Variants in GLYR1 observed in about 807,000 individuals in gnomAD.
The protein encoded by GLYR1 is cytokine-like nuclear factor N-PAC.
GLYR1 carries 21 observed loss-of-function variants against 72.7 expected under a neutral mutation model. The observed-to-expected ratio is 0.29, with a 90% confidence interval of 0.20 to 0.42. GLYR1 has a LOEUF of 0.42. Among genes scored for constraint, GLYR1 ranks in the 10% least tolerant of loss-of-function variants. The probability of loss-of-function intolerance (pLI) is 1.00; values close to 1 mark genes in which losing one functional copy is unlikely to be tolerated. For synonymous variants in GLYR1, 392 were observed against 270.2 expected (o/e 1.45, Z -4.42); for missense variants, 594 against 712.1 (o/e 0.83, Z 1.89).
chr16:4,847,177 A>G (rs1308216331), intron 1 of GLYR1, 51 bp downstream of exon 1: 10 of 1,540,980 alleles, frequency 6.5e-6, no homozygotes, highest in Non-Finnish European at 8.9e-6. Context: ...CCCCGCGCCC[A>G]GGCGGGTAGC....
rs1389013458 is a variant in GLYR1 at position 4,803,388 on chromosome 16, A to G, written c.*1848T>C. 1.3e-5 allele frequency: 2 copies of G among 152,680 alleles called. No individual in the cohort carries two copies. Among genetic ancestry groups the G allele is most frequent in the African/African-American group, 2.4e-5 (1 of 41,464 alleles). 9.5% of individuals were successfully genotyped at this position (152,680 alleles called of 1,614,324 possible). ...CTAGATTTGTCATTTAAAGGTTTAA[A>G]GAAAAAAGGGAGGGGCTTTCTTACA... On this transcript the variant is annotated 3_prime_UTR_variant, in exon 16 of 16. Transcript: ENST00000321919.
Position 4,846,229 on chromosome 16 carries a change from G to A in GLYR1, c.39-19C>T, listed in dbSNP as rs201216481. On this transcript the variant is annotated intron_variant, in intron 1 of 15. Transcript: ENST00000321919. ...TTTCCCCCTAGAGAAAACACAAAGAGTCAACACTTGCCCTGCAAAAGCCAG... is the reference window on the plus strand; with the variant it reads ...TTTCCCCCTAGAGAAAACACAAAGAATCAACACTTGCCCTGCAAAAGCCAG... The A allele has an allele frequency of 6.8e-5, 109 of 1,613,670 alleles. 1 individual carries two copies. In the African/African-American group the frequency reaches 1.3e-3, roughly 20 times the overall value.
At chr16:4,814,693 C>T in intron 10 of GLYR1, 46 bp from the exon 11 acceptor site, 9 of 1,428,768 alleles carry the variant, frequency 6.3e-6, no homozygotes, top group South Asian at 1.2e-5. Context: ...CAGTGCACAA[C>T]AAACATGCCA....
intron 15 of GLYR1, among the ~76,000 whole-genome samples, chr16:4,806,119 A>T (rs1004302107): frequency 6.6e-6 from 1 of 152,200 alleles, no homozygotes; most frequent in Non-Finnish European, 1.5e-5. Context: ...CCCCCAGGGG[A>T]CATCTGGTAA....
intron 5 of GLYR1, among the ~76,000 whole-genome samples, chr16:4,830,566 G>T (rs1024879669): frequency 1.3e-5 from 2 of 152,120 alleles, no homozygotes; most frequent in Non-Finnish European, 2.9e-5. Context: ...GCCTGGGCTC[G>T]CTGGTGTCTG....
At chr16:4,815,860 C>A (rs2083604233) in intron 10 of GLYR1, among the ~76,000 whole-genome samples, 1 of 152,112 alleles carries the variant, frequency 6.6e-6, no homozygotes, top group African/African-American at 2.4e-5. Context: ...CAGCTCACTG[C>A]AAGCTCTGCC....
chr16:4,819,385 G>C (rs555036380), intron 9 of GLYR1, among the ~76,000 whole-genome samples: 1 of 152,068 alleles, frequency 6.6e-6, no homozygotes, highest in Non-Finnish European at 1.5e-5. Context: ...ATAGCTCACC[G>C]CAGCCTCAAA....
At chr16:4,816,721 C>G (rs1045668703) in intron 10 of GLYR1, among the ~76,000 whole-genome samples, 2 of 152,058 alleles carry the variant, frequency 1.3e-5, no homozygotes, top group African/African-American at 4.8e-5. Context: ...CACAGTGGCT[C>G]ACACCCGTAA....
chr16:4,825,394 G>A (rs187585283), intron 5 of GLYR1, among the ~76,000 whole-genome samples: 1 of 152,174 alleles, frequency 6.6e-6, no homozygotes, highest in Non-Finnish European at 1.5e-5. Context: ...TGGCACCCTT[G>A]TGCTACTTGG....
At chr16:4,847,005 C>T (rs530766312) in intron 1 of GLYR1, 2 of 555,368 alleles carry the variant, frequency 3.6e-6, no homozygotes, top group Admixed American at 6.8e-5. Flanking sequence ...CGGCCGGCCT[C>T]GGGGATCAAA....
intron 5 of GLYR1, among the ~76,000 whole-genome samples, chr16:4,826,885 A>G (rs571636980): frequency 2.0e-4 from 31 of 152,344 alleles, no homozygotes; most frequent in African/African-American, 6.3e-4. Context: ...ACCCAATGGA[A>G]ACAAGGAGGA....
At chr16:4,822,030 G>A (rs2084064186) in intron 7 of GLYR1, among the ~76,000 whole-genome samples, 1 of 152,208 alleles carries the variant, frequency 6.6e-6, no homozygotes, top group African/African-American at 2.4e-5. Context: ...TACGATGTTT[G>A]GTTTCTGCCC....
chr16:4,810,003 A>G (rs1446869342), intron 15 of GLYR1, among the ~76,000 whole-genome samples: 1 of 152,232 alleles, frequency 6.6e-6, no homozygotes, highest in Non-Finnish European at 1.5e-5. Flanking sequence ...ATCATAGAGC[A>G]GTAAGTTAAA....
At chr16:4,812,410 G>A (rs189105916) in intron 12 of GLYR1, among the ~76,000 whole-genome samples, 162 bp from the exon 13 acceptor site, 10 of 152,296 alleles carry the variant, frequency 6.6e-5, no homozygotes, top group Admixed American at 5.9e-4. Flanking sequence ...CTAAACTCAG[G>A]AGCTAACCAT....
chr16:4,838,362 G>A (rs903485904), intron 3 of GLYR1, among the ~76,000 whole-genome samples: 2 of 152,116 alleles, frequency 1.3e-5, no homozygotes, highest in African/African-American at 4.8e-5. Context: ...TTCCTCATCT[G>A]TGAAAAAATA....
chr16:4,821,279 A>G, intron 9 of GLYR1, 101 bp downstream of exon 9: 1 of 1,145,460 alleles, frequency 8.7e-7, no homozygotes, highest in Non-Finnish European at 1.3e-6. Flanking sequence ...CAATGCCAGC[A>G]ATGGCTGGGA....
chr16:4,807,808 C>A (rs1328336142), intron 15 of GLYR1, among the ~76,000 whole-genome samples: 1 of 152,174 alleles, frequency 6.6e-6, no homozygotes, highest in Non-Finnish European at 1.5e-5. Context: ...TTATAAAATA[C>A]ACAACGAATT....
intron 3 of GLYR1, among the ~76,000 whole-genome samples, chr16:4,842,866 A>G (rs1830884005): frequency 6.6e-6 from 1 of 151,804 alleles, no homozygotes; most frequent in South Asian, 2.1e-4. Context: ...CACCCGACTA[A>G]TTTTTGTATT....
chr16:4,821,451 T>C lies in GLYR1; in HGVS notation c.735A>G (p.Glu245=). 1 of 1,614,104 alleles carries C rather than the reference T, an allele frequency of 6.2e-7. No individual in the cohort carries two copies. Among genetic ancestry groups the C allele is most frequent in the South Asian group, 1.1e-5 (1 of 91,082 alleles). ...CTGCCTGGATGGAGGTGGAGCCAGT[T>C]TCCTACGGACAGGAAGCACACATCA... The part of the protein sequence containing the change: ...ITKKLKICEE[E]TGSTSIQAAD... The change falls in exon 9 of 16, where the codon GAA becomes GAG. Residue 245 remains glutamate, a splice_region_variant and synonymous_variant. Transcript: ENST00000321919.
Sources: allele counts gnomAD v4.1 joint callset (sites outside exome capture counted in the v4.1 genomes callset), GRCh38; gene constraint gnomAD v4.1.1; transcripts MANE v1.5; gene names NCBI Gene and HGNC (gene_info 2026-07-23, HGNC 2026-07-21).